The following AHI1 variants were observed in gnomAD, a reference collection of about 807,000 sequenced individuals.
AHI1 encodes the protein Abelson helper integration site 1.
AHI1 carries 123 observed loss-of-function variants against 149.3 expected under a neutral mutation model. The ratio of observed to expected loss-of-function variants is 0.82; its 90% CI spans 0.71 to 0.96. The LOEUF (loss-of-function observed/expected upper bound fraction) is 0.96. Ranked by LOEUF, AHI1 falls within the 40% of genes least tolerant of loss-of-function variation. The pLI is 0.00. For synonymous variants in AHI1, 475 were observed against 459.8 expected, an observed-to-expected ratio of 1.03 and a Z score of -0.42; for missense variants, 1,439 against 1,422.7, an observed-to-expected ratio of 1.01 and a Z score of -0.18.
At position 135,462,289 on chromosome 6, in the gene AHI1, T is replaced by C. The variant is rs1790021309; in HGVS notation, c.931+836A>G. On this transcript the variant is annotated intron_variant, in intron 8 of 28. Coordinates refer to ENST00000265602, the MANE Select transcript of AHI1 (RefSeq NM_001134831.2). ...AACTGAAAGACTAAAAAAGGATGTATGAGTAGAAAAGAACATGTAAAGAAA... is the reference window on the plus strand; with the variant it reads ...AACTGAAAGACTAAAAAAGGATGTACGAGTAGAAAAGAACATGTAAAGAAA... 2.0e-5 allele frequency among the ~76,000 whole-genome samples: 3 copies of C among 151,654 alleles called. No homozygotes were observed. In the South Asian group the frequency reaches 6.2e-4, roughly 32 times the overall value.
intron 19 of AHI1, among the ~76,000 whole-genome samples, chr6:135,427,727 T>A (rs1339423401): frequency 6.6e-6 from 1 of 151,106 alleles, no homozygotes; most frequent in African/African-American, 2.4e-5. Context: ...AGGATTAACT[T>A]TTCCATTTTT....
chr6:135,336,736 C>T (rs1405780635), intron 24 of AHI1, among the ~76,000 whole-genome samples: 1 of 152,162 alleles, frequency 6.6e-6, no homozygotes, highest in African/African-American at 2.4e-5. Flanking sequence ...TTTCTCTCAG[C>T]ATTGATGTTC....
At chr6:135,304,493 C>T (rs1046543839) in intron 26 of AHI1, among the ~76,000 whole-genome samples, 7 of 152,116 alleles carry the variant, frequency 4.6e-5, no homozygotes, top group African/African-American at 7.2e-5. Flanking sequence ...TGAAGACCGC[C>T]GGGTGTGGTG....
Position 135,490,953 on chromosome 6 carries a change from T to C in AHI1, c.11-206A>G, listed in dbSNP as rs115606371. Among the ~76,000 whole-genome samples the C allele has an allele frequency of 7.6e-3, 1,159 of 152,312 alleles. 19 individuals carry two copies. The highest frequency in any genetic ancestry group is 0.026 in the African/African-American group (1,101 of 41,554). On this transcript the variant is annotated intron_variant, in intron 4 of 28. Coordinates refer to ENST00000265602, the MANE Select transcript of AHI1 (RefSeq NM_001134831.2). ...ATTCACCTGTATCCCTCTGACCTTTTTGGCCACTCACTCTAAAAGTCTCCT... is the reference window on the plus strand; with the variant it reads ...ATTCACCTGTATCCCTCTGACCTTTCTGGCCACTCACTCTAAAAGTCTCCT...
chr6:135,340,654 CATACATATATATAT>C (rs370432025), intron 24 of AHI1, among the ~76,000 whole-genome samples: 3,123 of 58,584 alleles, frequency 0.053, 213 homozygotes, highest in African/African-American at 0.13. Flanking sequence ...TATATACATA[CATACATATATATAT>C]ATATATATAT....
At chr6:135,301,863 T>C (rs1583583967) in intron 26 of AHI1, 1 of 985,414 alleles carries the variant, frequency 1.0e-6, no homozygotes, top group African/African-American at 1.7e-5. Flanking sequence ...CCTCATCCAA[T>C]AGAACAATAA....
chr6:135,422,116 T>C lies in AHI1; in HGVS notation c.2764+5051A>G, dbSNP rs534160182. On this transcript the variant is annotated intron_variant, in intron 20 of 28. Transcript: ENST00000265602. The stretch of plus-strand genomic sequence containing the variant: ...TACATACAAATAGCTATCTCCAATA[T>C]AGAAAACCACTACATCGTATCTATA... Among the ~76,000 whole-genome samples the C allele has an allele frequency of 9.8e-5, 15 of 152,306 alleles. No homozygotes were observed. The South Asian group carries it at 2.1e-3, about 21-fold the overall frequency.
chr6:135,415,113 C>G (rs369330345), intron 20 of AHI1, among the ~76,000 whole-genome samples: 1 of 151,814 alleles, frequency 6.6e-6, no homozygotes, highest in Non-Finnish European at 1.5e-5. Flanking sequence ...GATTTCCAAT[C>G]TCATCCATGT....
In AHI1 at chr6:135,293,421, A is replaced by G. The variant is rs989839402; in HGVS notation, c.3486-2896T>C. Among the ~76,000 whole-genome samples, 534 of 134,366 alleles carry G rather than the reference A, an allele frequency of 4.0e-3. 2 individuals carry two copies. Among genetic ancestry groups the G allele is most frequent in the African/African-American group, 0.013 (494 of 36,858 alleles). 88.1% of individuals were successfully genotyped at this position (134,366 alleles called of 152,430 possible). A position where few individuals can be genotyped will look rare whatever the true frequency, so the allele number is the denominator to read the frequency against. On this transcript the variant is annotated intron_variant, in intron 27 of 28. Coordinates refer to ENST00000265602, the MANE Select transcript of AHI1 (RefSeq NM_001134831.2). ...AAAAAAAAAAGAAAAAAAAAAAAAA[A>G]AAAGAAAAAAAGAAAGAAAGAAAAG...
chr6:135,363,604 C>G (rs1582827228), intron 23 of AHI1, among the ~76,000 whole-genome samples: 1 of 152,128 alleles, frequency 6.6e-6, no homozygotes, highest in East Asian at 1.9e-4. Context: ...AGAGGGGCTC[C>G]TCACTTCCCA....
rs781653386 is a variant in AHI1 at position 135,430,616 on chromosome 6, C to CA, written c.2373+591dup. On this transcript the variant is annotated intron_variant, in intron 17 of 28. Coordinates refer to ENST00000265602, the MANE Select transcript of AHI1 (RefSeq NM_001134831.2). ...TAGAACAAATTCAAGTTTAATGATT[C>CA]ATTTGTATTTTTAAATAAAAAGTAA... Among the ~76,000 whole-genome samples the CA allele has an allele frequency of 7.9e-5, 12 of 151,954 alleles. 1 individual carries two copies. Among genetic ancestry groups the CA allele is most frequent in the East Asian group, 1.9e-4 (1 of 5,192 alleles).
rs148557520 is a variant in AHI1, at chr6:135,482,589, CTTTTA to C, written c.135+8029_135+8033del. Among the ~76,000 whole-genome samples, 587 of 151,756 alleles carry C rather than the reference CTTTTA, an allele frequency of 3.9e-3. 3 individuals are homozygous for C. Among genetic ancestry groups the C allele is most frequent in the African/African-American group, 0.013 (558 of 41,404 alleles). Reference sequence around the variant, plus strand: ...TACAGTCAATTTAAAATTTTGAATACTTTTATTTTTTTAATCTGTAGAAGTATAAT... The same window carrying C: ...TACAGTCAATTTAAAATTTTGAATACTTTTTTTAATCTGTAGAAGTATAAT... On this transcript the variant is annotated intron_variant, in intron 5 of 28. Coordinates refer to ENST00000265602, the MANE Select transcript of AHI1 (RefSeq NM_001134831.2).
intron 5 of AHI1, among the ~76,000 whole-genome samples, chr6:135,482,120 T>G (rs574660343): frequency 6.6e-6 from 1 of 152,252 alleles, no homozygotes; most frequent in Non-Finnish European, 1.5e-5. Flanking sequence ...GTCTACAAAG[T>G]TTTTAGTCAT....
At chr6:135,382,984 A>G (rs1467169263) in intron 23 of AHI1, among the ~76,000 whole-genome samples, 4 of 142,304 alleles carry the variant, frequency 2.8e-5, no homozygotes, top group African/African-American at 1.0e-4. Context: ...TTTTTTAAAA[A>G]TTGGATCACT....
Position 135,433,028 on chromosome 6 carries a change from T to C in AHI1, c.2265A>G (p.Glu755=). The change falls in exon 16 of 29, where the codon GAA becomes GAG. Residue 755 remains glutamate (E), a splice_region_variant and synonymous_variant. Transcript: ENST00000265602. ...CTTCATTCATAGTCTCTGACATACCTTCAGTATCAAAACAAAGTGAGTTGA... is the reference window on the plus strand; with the variant it reads ...CTTCATTCATAGTCTCTGACATACCCTCAGTATCAAAACAAAGTGAGTTGA... The part of the protein sequence containing the change: ...SFINSLCFDT[E]GHHMYSGDCT... The C allele has an allele frequency of 1.2e-6, 2 of 1,604,760 alleles. No individual in the cohort carries two copies. The highest frequency in any genetic ancestry group is 1.7e-6 in the Non-Finnish European group (2 of 1,171,642).
intron 27 of AHI1, among the ~76,000 whole-genome samples, chr6:135,291,119 A>G (rs1782304017): frequency 6.6e-6 from 1 of 152,194 alleles, no homozygotes. Context: ...ACTTTATATT[A>G]GGAGAAAGAA....
intron 24 of AHI1, among the ~76,000 whole-genome samples, chr6:135,347,524 A>C (rs1467691425): frequency 2.0e-5 from 3 of 152,154 alleles, no homozygotes; most frequent in Non-Finnish European, 4.4e-5. Flanking sequence ...ACGCTTGAAG[A>C]CCTTTTTTCT....
In AHI1 at chr6:135,313,291, C is replaced by G. The variant is rs148300713; in HGVS notation, c.3426+5228G>C. On this transcript the variant is annotated intron_variant, in intron 26 of 28. Transcript: ENST00000265602. Reference sequence around the variant, plus strand: ...AAAAAAATATATGCAGGATTCTACTCTAACACGTGGATTCAGATAGAGAAG... The same window carrying G: ...AAAAAAATATATGCAGGATTCTACTGTAACACGTGGATTCAGATAGAGAAG... Among the ~76,000 whole-genome samples the G allele has an allele frequency of 1.9e-3, 295 of 152,310 alleles. 1 individual carries two copies. The highest frequency in any genetic ancestry group is 6.7e-3 in the African/African-American group (280 of 41,578).
intron 27 of AHI1, among the ~76,000 whole-genome samples, chr6:135,296,604 C>G (rs1023308624): frequency 9.9e-5 from 15 of 152,180 alleles, no homozygotes; most frequent in African/African-American, 1.4e-4. Context: ...ACTCACATTA[C>G]TCAATTCCCT....
Sources: allele counts gnomAD v4.1 joint callset (sites outside exome capture counted in the v4.1 genomes callset), GRCh38; gene constraint gnomAD v4.1.1; transcripts MANE v1.5; gene names NCBI Gene and HGNC (gene_info 2026-07-23, HGNC 2026-07-21).